Variants in ANKS1B observed in about 807,000 individuals in gnomAD.
ANKS1B encodes ankyrin repeat and sterile alpha motif domain-containing protein 1B.
A neutral mutation model predicts 148.3 loss-of-function variants in ANKS1B; 36 were observed. That is an observed-to-expected ratio of 0.24 (90% CI 0.19 to 0.32). The LOEUF (loss-of-function observed/expected upper bound fraction) is 0.32. ANKS1B is among the 10% of genes least tolerant of loss of function. The pLI, the probability that ANKS1B is intolerant of heterozygous loss-of-function variation, is 1.00. For missense variants in ANKS1B, 1,157 were observed against 1,542.6 expected (o/e 0.75, Z 4.19); for synonymous variants, 542 against 560.8 (o/e 0.97, Z 0.47).
chr12:99,108,565 A>T (rs939594876), intron 15 of ANKS1B, among the ~76,000 whole-genome samples: 1 of 152,220 alleles, frequency 6.6e-6, no homozygotes, highest in African/African-American at 2.4e-5. Context: ...AGAGACAGTA[A>T]AACCAATTAT....
Position 98,745,209 on chromosome 12 carries a change from A to G in ANKS1B, c.*530T>C. The G allele has an allele frequency of 1.0e-6, 1 of 985,806 alleles. No homozygotes were observed. The highest frequency in any genetic ancestry group is 1.2e-6 in the Non-Finnish European group (1 of 829,928). The allele number at this position is 985,806 out of a possible 1,614,324, so 61.1% of individuals were successfully genotyped here. A position where few individuals can be genotyped will look rare whatever the true frequency, so the allele number is the denominator to read the frequency against. On this transcript the variant is annotated 3_prime_UTR_variant, in exon 27 of 27. Coordinates refer to ENST00000683438, the MANE Select transcript of ANKS1B (RefSeq NM_001352186.2). ...AATGGGGAAACAGAATCTCCTGGCAATCATATCACGGGAGTTGTTTTTGTC... is the reference window on the plus strand; with the variant it reads ...AATGGGGAAACAGAATCTCCTGGCAGTCATATCACGGGAGTTGTTTTTGTC...
rs79903994 is a variant in ANKS1B, at chr12:99,389,951, T to C, written c.1756+9680A>G. ...ACATAAAACTGGGGCACAGAGCAGA[T>C]GGAATTTTCAGCTCTGCTCATCAGC... On this transcript the variant is annotated intron_variant, in intron 12 of 26. Transcript: ENST00000683438. Among the ~76,000 whole-genome samples, 585 of 152,218 alleles carry C rather than the reference T, an allele frequency of 3.8e-3. 37 individuals are homozygous for C. The East Asian group carries it at 0.087, about 23-fold the overall frequency.
intron 12 of ANKS1B, among the ~76,000 whole-genome samples, chr12:99,397,376 T>C (rs961004825): frequency 6.6e-6 from 1 of 152,112 alleles, no homozygotes; most frequent in Non-Finnish European, 1.5e-5. Flanking sequence ...CAGTTAGTAA[T>C]CAAACTTTGG....
At chr12:99,276,820 G>A (rs1303642714) in intron 12 of ANKS1B, among the ~76,000 whole-genome samples, 1 of 152,158 alleles carries the variant, frequency 6.6e-6, no homozygotes, top group East Asian at 1.9e-4. Flanking sequence ...TAATAAGATT[G>A]TGCTACATAT....
At chr12:99,140,821 C>T (rs1437139240) in intron 15 of ANKS1B, among the ~76,000 whole-genome samples, 1 of 152,086 alleles carries the variant, frequency 6.6e-6, no homozygotes, top group Non-Finnish European at 1.5e-5. Context: ...CCCTGTAATC[C>T]TACTCCATTC....
chr12:99,699,439 G>A (rs2054459016), intron 8 of ANKS1B, among the ~76,000 whole-genome samples: 1 of 152,036 alleles, frequency 6.6e-6, no homozygotes, highest in Non-Finnish European at 1.5e-5. Context: ...AAAAATATAT[G>A]CCTTTTCATC....
At chr12:99,271,828 T>C (rs565258952) in intron 12 of ANKS1B, among the ~76,000 whole-genome samples, 4 of 151,554 alleles carry the variant, frequency 2.6e-5, no homozygotes, top group African/African-American at 9.7e-5. Flanking sequence ...GAAGGAAGGA[T>C]TGGGTAATAG....
intron 8 of ANKS1B, among the ~76,000 whole-genome samples, chr12:99,768,196 A>T (rs2062834355): frequency 6.6e-6 from 1 of 152,216 alleles, no homozygotes; most frequent in Non-Finnish European, 1.5e-5. Flanking sequence ...TATCACAATC[A>T]GCAAGTTGGA....
intron 17 of ANKS1B, among the ~76,000 whole-genome samples, chr12:99,039,773 C>T (rs2099957774): frequency 6.6e-6 from 1 of 152,234 alleles, no homozygotes; most frequent in East Asian, 1.9e-4. Flanking sequence ...ATGTGCCATG[C>T]TGGTGCGCTG....
intron 12 of ANKS1B, among the ~76,000 whole-genome samples, chr12:99,335,649 C>A (rs1173842165): frequency 6.6e-6 from 1 of 152,024 alleles, no homozygotes; most frequent in Non-Finnish European, 1.5e-5. Context: ...GTCCTCCAGT[C>A]CCATCCATAT....
At position 99,508,474 on chromosome 12, in the gene ANKS1B, T is replaced by C. The variant is rs1003400210; in HGVS notation, c.1273-3833A>G. On this transcript the variant is annotated intron_variant, in intron 9 of 26. Coordinates refer to ENST00000683438, the MANE Select transcript of ANKS1B (RefSeq NM_001352186.2). ...TTTTCTACCCAAAGTGGCAGGAGGG[T>C]TCAAAGGATATTCTGTAAATCTTAT... is the stretch of plus-strand genomic sequence containing the variant. Among the ~76,000 whole-genome samples, 3 of 150,908 alleles carry C rather than the reference T, an allele frequency of 2.0e-5. No individual in the cohort carries two copies. The East Asian group carries it at 5.9e-4, about 29-fold the overall frequency.
chr12:99,238,777 C>A (rs2088589786), intron 14 of ANKS1B, among the ~76,000 whole-genome samples: 1 of 152,178 alleles, frequency 6.6e-6, no homozygotes, highest in Non-Finnish European at 1.5e-5. Context: ...CAAACAGGGT[C>A]TGGAGTGGGC....
intron 12 of ANKS1B, among the ~76,000 whole-genome samples, chr12:99,311,206 A>G (rs2083114238): frequency 6.6e-6 from 1 of 152,174 alleles, no homozygotes; most frequent in African/African-American, 2.4e-5. Flanking sequence ...ATATTAATCT[A>G]GAGATGGATA....
At chr12:98,774,028 G>A (rs73149036) in intron 24 of ANKS1B, among the ~76,000 whole-genome samples, 16 of 152,306 alleles carry the variant, frequency 1.1e-4, no homozygotes, top group African/African-American at 2.6e-4. Flanking sequence ...TGCTTTCTCC[G>A]TGGAAACTAA....
At chr12:98,996,720 G>A (rs969376240) in intron 17 of ANKS1B, among the ~76,000 whole-genome samples, 2 of 148,314 alleles carry the variant, frequency 1.3e-5, no homozygotes, top group African/African-American at 5.0e-5. Context: ...GGCTGAGGCA[G>A]GAGAATGGCA....
At chr12:99,510,949 C>T (rs1596107900) in intron 9 of ANKS1B, among the ~76,000 whole-genome samples, 1 of 152,088 alleles carries the variant, frequency 6.6e-6, no homozygotes, top group East Asian at 1.9e-4. Flanking sequence ...TTTCTAGATA[C>T]AGGATCATGT....
chr12:98,894,904 G>A (rs919308078), intron 17 of ANKS1B: 2 of 893,622 alleles, frequency 2.2e-6, no homozygotes, highest in Middle Eastern at 5.7e-4. Context: ...CACTGCCCCC[G>A]CCCCCCGCGC....
intron 14 of ANKS1B, among the ~76,000 whole-genome samples, chr12:99,181,692 T>C (rs1055653279): frequency 6.6e-6 from 1 of 152,076 alleles, no homozygotes; most frequent in African/African-American, 2.4e-5. Context: ...TGTATATACT[T>C]ATGGGGTATA....
chr12:99,533,783 A>G (rs1166414082), intron 9 of ANKS1B, among the ~76,000 whole-genome samples: 1 of 152,148 alleles, frequency 6.6e-6, no homozygotes, highest in Non-Finnish European at 1.5e-5. Flanking sequence ...GCACGCTTCT[A>G]TTTTATGCTT....
Sources: gnomAD v4.1 joint callset for allele counts (sites outside exome capture counted in the v4.1 genomes callset) on GRCh38, gnomAD v4.1.1 for gene constraint, MANE v1.5 for transcripts, NCBI Gene and HGNC (gene_info 2026-07-23, HGNC 2026-07-21) for gene names.